EPHB1: variants seen among roughly 807,000 people sequenced by gnomAD.
EPHB1 encodes ephrin type-B receptor 1.
A neutral mutation model predicts 94.4 loss-of-function variants in EPHB1; 30 were observed. The observed-to-expected ratio is 0.32, with a 90% confidence interval of 0.24 to 0.43. The LOEUF (loss-of-function observed/expected upper bound fraction) is 0.43, where lower values mean the gene tolerates loss of function less well. Ranked by LOEUF, EPHB1 falls within the 20% of genes least tolerant of loss-of-function variation. The pLI is 1.00. For missense variants in EPHB1, 1,055 were observed against 1,308.3 expected, an observed-to-expected ratio of 0.81 and a Z score of 2.99; for synonymous variants, 522 against 489.1, an observed-to-expected ratio of 1.07 and a Z score of -0.89.
intron 1 of EPHB1, among the ~76,000 whole-genome samples, chr3:134,806,709 A>ATTCATTCAACACTTAATAACAAATATTGT (rs2036047942): frequency 1.3e-5 from 2 of 152,220 alleles, no homozygotes; most frequent in African/African-American, 4.8e-5. Flanking sequence ...ATGATACCTC[A>ATTCATTCAACACTTAATAACAAATATTGT]TTCATTCAAC....
At chr3:134,869,145 A>C (rs1371627141) in intron 1 of EPHB1, among the ~76,000 whole-genome samples, 1 of 152,230 alleles carries the variant, frequency 6.6e-6, no homozygotes, top group Admixed American at 6.5e-5. Context: ...ATGTGGAGGA[A>C]GAAGAGGAGT....
intron 12 of EPHB1, among the ~76,000 whole-genome samples, chr3:135,232,476 A>G (rs1159563012): frequency 6.6e-6 from 1 of 152,244 alleles, no homozygotes; most frequent in Non-Finnish European, 1.5e-5. Context: ...CAGGAGGGTC[A>G]CTGCTCGAAG....
chr3:134,828,263 C>T (rs1477078241), intron 1 of EPHB1, among the ~76,000 whole-genome samples: 1 of 152,156 alleles, frequency 6.6e-6, no homozygotes, highest in Non-Finnish European at 1.5e-5. Context: ...GTAGGTAAAA[C>T]CAACACTGTG....
intron 3 of EPHB1, among the ~76,000 whole-genome samples, chr3:134,962,519 C>A (rs1933559047): frequency 6.6e-6 from 1 of 152,276 alleles, no homozygotes; most frequent in South Asian, 2.1e-4. Flanking sequence ...GCTGGAAGAC[C>A]ACCCCATTCT....
intron 1 of EPHB1, among the ~76,000 whole-genome samples, chr3:134,854,337 G>A (rs1296422009): frequency 6.6e-6 from 1 of 152,096 alleles, no homozygotes; most frequent in African/African-American, 2.4e-5. Flanking sequence ...TTGGGAGGAG[G>A]AGATGATCTG....
chr3:135,159,832 GCATTTC>G (rs1295767778), intron 6 of EPHB1, among the ~76,000 whole-genome samples: 7 of 152,186 alleles, frequency 4.6e-5, no homozygotes, highest in Non-Finnish European at 1.0e-4. Context: ...TCATTTATGG[GCATTTC>G]TATGCCACCC....
chr3:135,069,592 A>T (rs1002008740), intron 3 of EPHB1, among the ~76,000 whole-genome samples: 2 of 152,160 alleles, frequency 1.3e-5, no homozygotes, highest in Non-Finnish European at 2.9e-5. Context: ...AACTGATCCC[A>T]GGTTCTGGGG....
intron 3 of EPHB1, among the ~76,000 whole-genome samples, chr3:134,960,114 A>G (rs1016919728): frequency 6.6e-6 from 1 of 151,206 alleles, no homozygotes; most frequent in African/African-American, 2.4e-5. Flanking sequence ...GGCCCTTAGG[A>G]GCCCTGAGAG....
chr3:134,890,977 A>G (rs549179216), intron 1 of EPHB1, among the ~76,000 whole-genome samples: 4 of 152,328 alleles, frequency 2.6e-5, no homozygotes, highest in African/African-American at 9.6e-5. Context: ...ATGTATGATC[A>G]TATTACCTAC....
At chr3:135,242,117 C>T (rs1195835043) in intron 13 of EPHB1, among the ~76,000 whole-genome samples, 1 of 152,184 alleles carries the variant, frequency 6.6e-6, no homozygotes, top group Non-Finnish European at 1.5e-5. Context: ...AATGAAAAGT[C>T]CTGCCTGAAT....
At chr3:134,970,653 G>A (rs1391368609) in intron 3 of EPHB1, among the ~76,000 whole-genome samples, 2 of 152,018 alleles carry the variant, frequency 1.3e-5, no homozygotes, top group African/African-American at 4.8e-5. Context: ...TGAGTGATTA[G>A]CACGTATTTG....
intron 6 of EPHB1, among the ~76,000 whole-genome samples, chr3:135,156,634 G>A (rs1941364777): frequency 6.6e-6 from 1 of 152,208 alleles, no homozygotes; most frequent in Non-Finnish European, 1.5e-5. Flanking sequence ...TGCAAGCAAG[G>A]TGGAGGATTA....
rs1458870764 is a variant in EPHB1, at chr3:135,201,693, A to G, written c.2346+4A>G. The G allele has an allele frequency of 1.2e-6, 2 of 1,612,762 alleles. No homozygotes were observed. The highest frequency in any genetic ancestry group is 1.7e-6 in the Non-Finnish European group (2 of 1,179,256). On this transcript the variant is annotated splice_donor_region_variant and intron_variant, in intron 12 of 15. Transcript: ENST00000398015. ...TCCCACCTACACCAGCTCCTTGGTG[A>G]GTCCTTCTTGGCATTCTCAAGTAGA...
At chr3:134,941,783 ACACAC>A (rs2039123412) in intron 2 of EPHB1, among the ~76,000 whole-genome samples, 1 of 151,746 alleles carries the variant, frequency 6.6e-6, no homozygotes, top group Non-Finnish European at 1.5e-5. Context: ...ACACACACAC[ACACAC>A]ACACACACAC....
At chr3:134,870,281 A>G (rs1290103838) in intron 1 of EPHB1, among the ~76,000 whole-genome samples, 1 of 152,176 alleles carries the variant, frequency 6.6e-6, no homozygotes, top group African/African-American at 2.4e-5. Flanking sequence ...TGAGCAAGGA[A>G]GACACCCCGG....
At chr3:135,006,620 A>G (rs1051006649) in intron 3 of EPHB1, among the ~76,000 whole-genome samples, 2 of 152,222 alleles carry the variant, frequency 1.3e-5, no homozygotes, top group East Asian at 1.9e-4. Flanking sequence ...GCTTAACCCC[A>G]AAAGTTCAAG....
chr3:134,834,616 G>A (rs1049812836), intron 1 of EPHB1, among the ~76,000 whole-genome samples: 2 of 152,154 alleles, frequency 1.3e-5, no homozygotes, highest in African/African-American at 4.8e-5. Flanking sequence ...TTCAGGACAT[G>A]GCCCCCTCCA....
chr3:135,124,565 A>G (rs1319938853), intron 4 of EPHB1, among the ~76,000 whole-genome samples: 1 of 151,626 alleles, frequency 6.6e-6, no homozygotes, highest in East Asian at 1.9e-4. Flanking sequence ...GTCCATTACA[A>G]CACTCCTATG....
chr3:134,906,283 G>A (rs2038326365), intron 1 of EPHB1, among the ~76,000 whole-genome samples: 1 of 152,192 alleles, frequency 6.6e-6, no homozygotes, highest in Admixed American at 6.5e-5. Context: ...GTCATCTTCT[G>A]TAGGTACACT....
Sources: allele counts gnomAD v4.1 joint callset (sites outside exome capture counted in the v4.1 genomes callset), GRCh38; gene constraint gnomAD v4.1.1; transcripts MANE v1.5; gene names NCBI Gene and HGNC (gene_info 2026-07-23, HGNC 2026-07-21).